PTPRG: variants seen among roughly 807,000 people sequenced by gnomAD.
PTPRG encodes the protein protein tyrosine phosphatase receptor type G, also known as receptor-type tyrosine-protein phosphatase gamma.
A neutral mutation model predicts 165.3 loss-of-function variants in PTPRG; 102 were observed. That is an observed-to-expected ratio of 0.62 (90% confidence interval 0.53 to 0.73). The LOEUF (loss-of-function observed/expected upper bound fraction) is 0.73, where lower values mean the gene tolerates loss of function less well. PTPRG is among the 30% of genes least tolerant of loss of function. PTPRG has a pLI of 0.00. For synonymous variants in PTPRG, 675 were observed against 669.5 expected (o/e 1.01, Z -0.13); for missense variants, 1,866 against 1,861.4 (o/e 1.00, Z -0.05).
chr3:62,051,097 G>A (rs1001883116), intron 4 of PTPRG, among the ~76,000 whole-genome samples: 21 of 152,126 alleles, frequency 1.4e-4, no homozygotes, highest in Admixed American at 3.3e-4. Context: ...AGCCACTTTC[G>A]GGCATAAGTG....
chr3:62,113,466 A>G (rs1303306643), intron 5 of PTPRG, among the ~76,000 whole-genome samples: 1 of 152,220 alleles, frequency 6.6e-6, no homozygotes, highest in Non-Finnish European at 1.5e-5. Context: ...GCCGAATTTG[A>G]TATATACACA....
intron 4 of PTPRG, among the ~76,000 whole-genome samples, chr3:62,019,171 T>C (rs1280721036): frequency 6.6e-6 from 1 of 152,198 alleles, no homozygotes; most frequent in Admixed American, 6.5e-5. Flanking sequence ...GAGGTCCCTC[T>C]GCGACCTCCT....
chr3:62,265,959 T>C (rs933106722), intron 17 of PTPRG, among the ~76,000 whole-genome samples: 6 of 129,316 alleles, frequency 4.6e-5, no homozygotes, highest in Non-Finnish European at 1.0e-4. Context: ...TTTACTTCTC[T>C]AATGTCAAAC....
At chr3:62,038,082 T>C (rs1398532523) in intron 4 of PTPRG, among the ~76,000 whole-genome samples, 2 of 152,176 alleles carry the variant, frequency 1.3e-5, no homozygotes, top group East Asian at 1.9e-4. Context: ...ATGTCCCAGC[T>C]CTATTATTTG....
At chr3:61,785,858 C>G (rs2034681545) in intron 2 of PTPRG, among the ~76,000 whole-genome samples, 1 of 152,094 alleles carries the variant, frequency 6.6e-6, no homozygotes, top group African/African-American at 2.4e-5. Flanking sequence ...ACACATGCCT[C>G]CAATACACAG....
intron 8 of PTPRG, among the ~76,000 whole-genome samples, chr3:62,181,575 A>G (rs1033801153): frequency 5.3e-5 from 8 of 152,208 alleles, no homozygotes; most frequent in Non-Finnish European, 8.8e-5. Flanking sequence ...CAGAACTACT[A>G]TAACATTTTC....
intron 2 of PTPRG, among the ~76,000 whole-genome samples, chr3:61,978,506 G>T (rs2040560709): frequency 8.6e-6 from 1 of 116,670 alleles, no homozygotes; most frequent in African/African-American, 4.1e-5. Context: ...AAATAAGTTT[G>T]TAATAAAATA....
chr3:62,007,147 T>C (rs1188359480), intron 4 of PTPRG, among the ~76,000 whole-genome samples: 2 of 152,154 alleles, frequency 1.3e-5, no homozygotes, highest in Non-Finnish European at 2.9e-5. Context: ...ATTTTAAACA[T>C]GTGCCCCACA....
At chr3:61,973,944 C>T (rs1432932576) in intron 2 of PTPRG, among the ~76,000 whole-genome samples, 8 of 152,130 alleles carry the variant, frequency 5.3e-5, no homozygotes, top group Admixed American at 3.9e-4. Flanking sequence ...TTTCCTTTGC[C>T]TTCTTGATAA....
chr3:61,944,323 G>A (rs769290442), intron 2 of PTPRG, among the ~76,000 whole-genome samples: 7 of 152,162 alleles, frequency 4.6e-5, no homozygotes, highest in Non-Finnish European at 7.3e-5. Flanking sequence ...CCCTGTGATC[G>A]GAGCGCATCT....
At chr3:62,099,271 GT>G (rs1335558413) in intron 5 of PTPRG, among the ~76,000 whole-genome samples, 1 of 152,142 alleles carries the variant, frequency 6.6e-6, no homozygotes, top group Non-Finnish European at 1.5e-5. Context: ...ATTAATTCTG[GT>G]GTAAGCAAGC....
intron 1 of PTPRG, among the ~76,000 whole-genome samples, chr3:61,595,831 T>C (rs753387383): frequency 1.1e-4 from 16 of 152,334 alleles, no homozygotes; most frequent in Non-Finnish European, 2.2e-4. Flanking sequence ...TGTATTTCTT[T>C]TTATACTTCT....
chr3:61,665,363 T>A (rs1702781183), intron 1 of PTPRG, among the ~76,000 whole-genome samples: 1 of 152,132 alleles, frequency 6.6e-6, no homozygotes, highest in African/African-American at 2.4e-5. Context: ...GATTTTTTTA[T>A]AGCGATATGG....
intron 4 of PTPRG, among the ~76,000 whole-genome samples, chr3:62,025,739 A>G (rs994651465): frequency 6.6e-6 from 1 of 152,248 alleles, no homozygotes; most frequent in Non-Finnish European, 1.5e-5. Context: ...ATAAAGGCAC[A>G]ATAAAAAATT....
At chr3:62,071,274 G>C (rs1701202379) in intron 4 of PTPRG, among the ~76,000 whole-genome samples, 1 of 152,098 alleles carries the variant, frequency 6.6e-6, no homozygotes, top group Non-Finnish European at 1.5e-5. Flanking sequence ...ATCGCTTTTT[G>C]AGAGGAAATA....
intron 2 of PTPRG, among the ~76,000 whole-genome samples, chr3:61,800,730 G>T (rs2035204165): frequency 6.6e-6 from 1 of 150,752 alleles, no homozygotes; most frequent in South Asian, 2.1e-4. Flanking sequence ...TGCAACCTCT[G>T]CCTCCTGGGT....
intron 2 of PTPRG, among the ~76,000 whole-genome samples, chr3:61,955,464 A>G (rs1435202102): frequency 1.3e-5 from 2 of 152,226 alleles, no homozygotes; most frequent in Non-Finnish European, 2.9e-5. Context: ...GACTTAGCGA[A>G]AATGTGTGAG....
chr3:62,088,112 TG>T (rs1701809617), intron 5 of PTPRG, among the ~76,000 whole-genome samples: 1 of 152,154 alleles, frequency 6.6e-6, no homozygotes, highest in South Asian at 2.1e-4. Flanking sequence ...AGGGAGGGAA[TG>T]GGGGTTTTGC....
chr3:61,769,767 GAATAA>G (rs1297317903), intron 2 of PTPRG: 2 of 152,144 alleles, frequency 1.3e-5, no homozygotes, highest in African/African-American at 4.8e-5. Flanking sequence ...TATGGGGAGA[GAATAA>G]AATATGGTGA....
Sources: gnomAD v4.1 joint callset for allele counts (sites outside exome capture counted in the v4.1 genomes callset) on GRCh38, gnomAD v4.1.1 for gene constraint, MANE v1.5 for transcripts, NCBI Gene and HGNC (gene_info 2026-07-23, HGNC 2026-07-21) for gene names.